KCNH6: variants seen among roughly 807,000 people sequenced by gnomAD.
KCNH6 encodes potassium voltage-gated channel subfamily H member 6, also known as voltage-gated inwardly rectifying potassium channel KCNH6.
A neutral mutation model predicts 83.4 loss-of-function variants in KCNH6; 81 were observed. The observed-to-expected ratio is 0.97, with a 90% confidence interval of 0.81 to 1.17. The LOEUF is 1.17. KCNH6 is among the 50% of genes most tolerant of loss of function. The pLI, the probability that KCNH6 is intolerant of heterozygous loss-of-function variation, is 0.00. For missense variants in KCNH6, 1,203 were observed against 1,290.5 expected (o/e 0.93, Z 1.04); for synonymous variants, 503 against 545.6 (o/e 0.92, Z 1.09).
At chr17:63,544,153 C>T (rs1340532437) in intron 10 of KCNH6, 96 bp from the exon 11 acceptor site, 2 of 1,602,430 alleles carry the variant, frequency 1.2e-6, no homozygotes, top group South Asian at 1.1e-5. Context: ...CCTGTGTCCC[C>T]AGGGCAGGTA....
In KCNH6 at chr17:63,546,478, T is replaced by C. The variant is rs1382835510; in HGVS notation, c.*576T>C. On this transcript the variant is annotated 3_prime_UTR_variant, in exon 13 of 13. Coordinates refer to ENST00000314672, the MANE Select transcript of KCNH6 (RefSeq NM_001278919.2). ...GGGCAGTGAAGAAAGAGGTTTCTGA[T>C]CTACATGAGTACCTTGCTCTGAGCC... The C allele has an allele frequency of 6.5e-6, 1 of 153,718 alleles. No individual in the cohort carries two copies. Among genetic ancestry groups the C allele is most frequent in the East Asian group, 1.9e-4 (1 of 5,190 alleles). The allele number at this position is 153,718 out of a possible 1,614,324, so 9.5% of individuals were successfully genotyped here.
chr17:63,524,201 G>A lies in KCNH6; in HGVS notation c.139G>A (p.Gly47Ser), dbSNP rs1373633162. The change falls in exon 2 of 13, where the codon GGC (glycine) becomes AGC (serine). Residue 47 changes from glycine to serine, a missense_variant. Transcript: ENST00000314672. ...ENCAIIYCNDGFCELFGYSRV... is the reference protein window; with the variant it reads ...ENCAIIYCNDSFCELFGYSRV... ...CTGCGCCATCATTTACTGCAACGAC[G>A]GCTTCTGCGAACTCTTCGGCTACTC... The A allele has an allele frequency of 1.1e-5, 18 of 1,614,068 alleles. No individual in the cohort carries two copies. The highest frequency in any genetic ancestry group is 2.2e-5 in the East Asian group (1 of 44,896).
chr17:63,529,044 A>G (rs909603194), intron 2 of KCNH6, among the ~76,000 whole-genome samples: 1 of 152,192 alleles, frequency 6.6e-6, no homozygotes, highest in Non-Finnish European at 1.5e-5. Context: ...CATGTTGGCC[A>G]GGCTGGTCTT....
At chr17:63,540,019 C>G (rs1178483163) in intron 8 of KCNH6, among the ~76,000 whole-genome samples, 1 of 152,228 alleles carries the variant, frequency 6.6e-6, no homozygotes, top group African/African-American at 2.4e-5. Flanking sequence ...CTTGCATGTG[C>G]TGCCATTCTG....
At chr17:63,524,498 G>T in intron 2 of KCNH6, 129 bp downstream of exon 2, 1 of 703,634 alleles carries the variant, frequency 1.4e-6, no homozygotes, top group Non-Finnish European at 2.4e-6. Flanking sequence ...TTCTTCTAGG[G>T]GCCTTGGTTC....
rs765086803 is a variant in KCNH6 at position 63,538,457 on chromosome 17, C to T, written c.1749C>T (p.His583=). The T allele has an allele frequency of 2.3e-5, 37 of 1,604,714 alleles. No individual in the cohort carries two copies. The African/African-American group carries it at 4.5e-4, about 20-fold the overall frequency. The stretch of plus-strand genomic sequence containing the variant: ...GCCTGCAGGCTGACATCTGCCTGCA[C>T]CTGCACCGCGCACTGCTGCAGCACT... ...PECLQADICL[H]LHRALLQHCP... The change falls in exon 8 of 13, where the codon CAC becomes CAT. Residue 583 remains histidine, a synonymous_variant. Transcript: ENST00000314672. This position sits in a 1 kb window ranked among gnomAD's most constrained non-coding sequence, Gnocchi z 4.0.
At chr17:63,547,589 A>G (rs2033173704), downstream of KCNH6, among the ~76,000 whole-genome samples, 1 of 152,018 alleles carries the variant, frequency 6.6e-6, no homozygotes, top group Non-Finnish European at 1.5e-5. Flanking sequence ...TTTATCCTAC[A>G]TGTAATTTAT....
chr17:63,532,052 G>A (rs1191602765), intron 4 of KCNH6, among the ~76,000 whole-genome samples: 1 of 152,220 alleles, frequency 6.6e-6, no homozygotes, highest in Non-Finnish European at 1.5e-5. Context: ...GCAGCTCTGG[G>A]GGACACTGGG....
chr17:63,545,018 G>A, intron 11 of KCNH6, 60 bp from the exon 12 acceptor site: 1 of 1,531,922 alleles, frequency 6.5e-7, no homozygotes, highest in Middle Eastern at 1.9e-4. Context: ...AAGATTGACA[G>A]CTGCCCTCAG....
At chr17:63,524,079 C>T (rs1484901095) in intron 1 of KCNH6, 60 bp from the exon 2 acceptor site, 3 of 1,205,508 alleles carry the variant, frequency 2.5e-6, no homozygotes, top group Non-Finnish European at 3.7e-6. Context: ...TATGATCTTT[C>T]CCTCCCAGCC....
rs1360619129 is a variant in KCNH6, at chr17:63,546,477, A to G, written c.*575A>G. The G allele has an allele frequency of 6.5e-6, 1 of 153,748 alleles. No homozygotes were observed. Among genetic ancestry groups the G allele is most frequent in the Non-Finnish European group, 1.4e-5 (1 of 69,192 alleles). 9.5% of individuals were successfully genotyped at this position (153,748 alleles called of 1,614,324 possible). A position where few individuals can be genotyped will look rare whatever the true frequency, so the allele number is the denominator to read the frequency against. Reference sequence around the variant, plus strand: ...GGGGCAGTGAAGAAAGAGGTTTCTGATCTACATGAGTACCTTGCTCTGAGC... The same window carrying G: ...GGGGCAGTGAAGAAAGAGGTTTCTGGTCTACATGAGTACCTTGCTCTGAGC... On this transcript the variant is annotated 3_prime_UTR_variant, in exon 13 of 13. Coordinates refer to ENST00000314672, the MANE Select transcript of KCNH6 (RefSeq NM_001278919.2).
intron 2 of KCNH6, among the ~76,000 whole-genome samples, chr17:63,527,202 T>A (rs957077626): frequency 1.3e-5 from 2 of 152,164 alleles, no homozygotes; most frequent in African/African-American, 4.8e-5. Context: ...ATGAGGAGGA[T>A]GGGACAAGGG....
At chr17:63,526,251 C>CTT (rs1314330539) in intron 2 of KCNH6, among the ~76,000 whole-genome samples, 1 of 152,174 alleles carries the variant, frequency 6.6e-6, no homozygotes, top group Non-Finnish European at 1.5e-5. Context: ...TTGCCCAAGG[C>CTT]TTTGATTTAC....
Position 63,535,864 on chromosome 17 carries a change from A to G in KCNH6, c.1297A>G (p.Lys433Glu), listed in dbSNP as rs2032459012. Residue 433 changes from lysine (K) to glutamate (E), a missense_variant, in exon 6 of 13, where the codon AAG (lysine) becomes GAG (glutamate). By Grantham distance (56) the Lys-to-Glu change is moderately conservative (BLOSUM62 1). Transcript: ENST00000314672. This position sits in a 1 kb window ranked among gnomAD's most constrained non-coding sequence, Gnocchi z 4.9. ...GNVERPYLEH[K>E]IGWLDSLGVQ... is the part of the protein sequence containing the mutation. ...TGTGGAGCGGCCCTACCTAGAACAC[A>G]AGATCGGCTGGCTGGACAGCCTGGG... 6.2e-7 allele frequency: 1 copy of G among 1,614,186 alleles called. No homozygotes were observed. The highest frequency in any genetic ancestry group is 8.5e-7 in the Non-Finnish European group (1 of 1,180,034).
chr17:63,540,934 G>A (rs539689941), intron 8 of KCNH6, among the ~76,000 whole-genome samples: 31 of 152,184 alleles, frequency 2.0e-4, no homozygotes, highest in East Asian at 7.7e-4. Context: ...TGTTTCTCTC[G>A]ACACAGCCCC....
intron 2 of KCNH6, 51 bp downstream of exon 2, chr17:63,524,420 C>A: frequency 6.6e-7 from 1 of 1,524,554 alleles, no homozygotes; most frequent in South Asian, 1.1e-5. Context: ...GGCCCTCTGT[C>A]TTGTCCAGCC....
intron 10 of KCNH6, among the ~76,000 whole-genome samples, 175 bp downstream of exon 10, chr17:63,543,835 G>T (rs2033006604): frequency 6.6e-6 from 1 of 152,024 alleles, no homozygotes; most frequent in Non-Finnish European, 1.5e-5. Flanking sequence ...CAGTCTCCCA[G>T]TCCTGATGGT....
chr17:63,546,138 G>A lies in KCNH6; in HGVS notation c.*236G>A, dbSNP rs2033137015. On this transcript the variant is annotated 3_prime_UTR_variant, in exon 13 of 13. Transcript: ENST00000314672. ...GCCTGTAATCCCAGCTACTGGGGAG[G>A]CTGAGGCAGGAGAATGGCATGAACC... 2 of 445,918 alleles carry A rather than the reference G, an allele frequency of 4.5e-6. No individual in the cohort carries two copies. The allele number at this position is 445,918 out of a possible 1,614,324, so 27.6% of individuals were successfully genotyped here.
downstream of KCNH6, among the ~76,000 whole-genome samples, chr17:63,548,409 T>C (rs182727597): frequency 4.0e-4 from 61 of 152,288 alleles, 1 homozygote; most frequent in Middle Eastern, 0.017. Context: ...GCAGGAGGAT[T>C]GCTTGAGCCC....
Sources: gnomAD v4.1 joint callset for allele counts (sites outside exome capture counted in the v4.1 genomes callset) on GRCh38, gnomAD v4.1.1 for gene constraint, Gnocchi (gnomAD v3.1) non-coding constraint, MANE v1.5 for transcripts, NCBI Gene and HGNC (gene_info 2026-07-23, HGNC 2026-07-21) for gene names.